RBM42: variants seen among roughly 807,000 people sequenced by gnomAD.
RBM42 encodes RNA-binding protein 42.
RBM42 carries 21 observed loss-of-function variants against 41.4 expected under a neutral mutation model. That is an observed-to-expected ratio of 0.51 (90% CI 0.36 to 0.73). The LOEUF is 0.73. RBM42 is among the 30% of genes least tolerant of loss of function. RBM42 has a pLI of 0.00. For synonymous variants in RBM42, 272 were observed against 271.2 expected, an observed-to-expected ratio of 1.00 and a Z score of -0.03; for missense variants, 539 against 680.4, an observed-to-expected ratio of 0.79 and a Z score of 2.31.
intron 8 of RBM42, among the ~76,000 whole-genome samples, chr19:35,635,523 CTTTTTTTTTTT>C (rs11375946): frequency 1.4e-5 from 2 of 140,494 alleles, no homozygotes; most frequent in Non-Finnish European, 3.0e-5. Context: ...TTTTTTTTTT[CTTTTTTTTTTT>C]TGAAACGGAG....
chr19:35,634,060 G>A, intron 7 of RBM42, 41 bp downstream of exon 7: 1 of 1,467,538 alleles, frequency 6.8e-7, no homozygotes, highest in East Asian at 2.4e-5. Flanking sequence ...GAAGGGACGG[G>A]GGGCAGACAG....
rs941796000 is a variant in RBM42, at chr19:35,634,657, T to A, written c.1135+284T>A. Reference sequence around the variant, plus strand: ...TTTTTCCCAACTCTTAGGATAAAAATTTTTTTTTTTTTTTTTTATGAGACA... The same window carrying A: ...TTTTTCCCAACTCTTAGGATAAAAAATTTTTTTTTTTTTTTTTATGAGACA... On this transcript the variant is annotated intron_variant, in intron 8 of 9. Transcript: ENST00000262633. Among the ~76,000 whole-genome samples, 54 of 122,700 alleles carry A rather than the reference T, an allele frequency of 4.4e-4. No individual in the cohort carries two copies. The South Asian group carries it at 8.5e-3, about 19-fold the overall frequency. The allele number at this position is 122,700 out of a possible 152,430, so 80.5% of individuals were successfully genotyped here. A position where few individuals can be genotyped will look rare whatever the true frequency, so the allele number is the denominator to read the frequency against.
At chr19:35,635,231 G>A (rs1370350052) in intron 8 of RBM42, among the ~76,000 whole-genome samples, 1 of 149,838 alleles carries the variant, frequency 6.7e-6, no homozygotes, top group African/African-American at 2.5e-5. Context: ...CAGGAGTATC[G>A]CCTGAACCCA....
At chr19:35,633,561 T>A (rs1967443116) in intron 6 of RBM42, 126 bp from the exon 7 acceptor site, 5 of 873,000 alleles carry the variant, frequency 5.7e-6, no homozygotes, top group Non-Finnish European at 8.0e-6. Context: ...GGCTGGAGAC[T>A]CTCTGCTTGG....
chr19:35,631,579 T>C, intron 4 of RBM42, 174 bp downstream of exon 4: 1 of 653,032 alleles, frequency 1.5e-6, no homozygotes, highest in South Asian at 1.9e-5. Flanking sequence ...AATTTTGTTT[T>C]AACCTGATCA....
intron 8 of RBM42, among the ~76,000 whole-genome samples, chr19:35,636,627 G>A (rs979782513): frequency 2.0e-5 from 3 of 152,206 alleles, no homozygotes; most frequent in Non-Finnish European, 4.4e-5. Context: ...CAGGTCTCAA[G>A]GGGGAGTTAG....
At chr19:35,634,498 G>A in intron 8 of RBM42, 125 bp downstream of exon 8, 1 of 640,176 alleles carries the variant, frequency 1.6e-6, no homozygotes, top group Non-Finnish European at 2.7e-6. Context: ...AGCCCACCTT[G>A]GGGAGGGGAG....
At chr19:35,635,510 T>C (rs1967481451) in intron 8 of RBM42, among the ~76,000 whole-genome samples, 1 of 143,222 alleles carries the variant, frequency 7.0e-6, no homozygotes, top group Non-Finnish European at 1.5e-5. Context: ...TTCAATTATA[T>C]CTTTTTTTTT....
At position 35,629,138 on chromosome 19, in the gene RBM42, A is replaced by G; in HGVS notation, c.-16A>G. The G allele has an allele frequency of 6.6e-7, 1 of 1,521,616 alleles. No homozygotes were observed. Among genetic ancestry groups the G allele is most frequent in the Non-Finnish European group, 8.8e-7 (1 of 1,138,224 alleles). 94.3% of individuals were successfully genotyped at this position (1,521,616 alleles called of 1,614,324 possible). On this transcript the variant is annotated 5_prime_UTR_variant, in exon 1 of 10. Transcript: ENST00000262633. ...AAGCAGAGACTGTAGTAGCGGCGACAGCGACGACGGCAGCGATGGCTGGGG... is the reference window on the plus strand; with the variant it reads ...AAGCAGAGACTGTAGTAGCGGCGACGGCGACGACGGCAGCGATGGCTGGGG...
chr19:35,633,773 T>C lies in RBM42; in HGVS notation c.771T>C (p.Ala257=). The C allele has an allele frequency of 1.3e-6, 2 of 1,494,968 alleles. No homozygotes were observed. Among genetic ancestry groups the C allele is most frequent in the South Asian group, 1.4e-5 (1 of 73,718 alleles). 92.6% of individuals were successfully genotyped at this position (1,494,968 alleles called of 1,614,324 possible). Reference sequence around the variant, plus strand: ...AAGAGGCAGTGGTGGCGGCGGCGGCTGGGCTGGAGGAGGCTAGCGCGGCTG... The same window carrying C: ...AAGAGGCAGTGGTGGCGGCGGCGGCCGGGCTGGAGGAGGCTAGCGCGGCTG... ...EKEEAVVAAA[A]GLEEASAAVA... Residue 257 remains alanine (A), a synonymous_variant, in exon 7 of 10, where the codon GCT becomes GCC. Transcript: ENST00000262633.
rs116116105 is a variant in RBM42 at position 35,629,080 on chromosome 19, G to T, written c.-74G>T. 3,442 of 1,461,338 alleles carry T rather than the reference G, an allele frequency of 2.4e-3. 80 individuals carry two copies. The African/African-American group carries it at 0.046, about 19-fold the overall frequency. The allele number at this position is 1,461,338 out of a possible 1,614,324, so 90.5% of individuals were successfully genotyped here. ...CTCGGGAGCCCACCCGGACGAAGGG[G>T]GAGAGTAGACAGCAGAACCAGCGGC... On this transcript the variant is annotated 5_prime_UTR_variant, in exon 1 of 10. Coordinates refer to ENST00000262633, the MANE Select transcript of RBM42 (RefSeq NM_024321.5).
rs758744881 is a variant in RBM42, at chr19:35,634,045, G to C, written c.1017+26G>C. On this transcript the variant is annotated intron_variant, in intron 7 of 9. Transcript: ENST00000262633. ...GTAAGCAGGGAGCCTAGCGGTGAAGGGACAGAAGGGACGGGGGGCAGACAG... is the reference window on the plus strand; with the variant it reads ...GTAAGCAGGGAGCCTAGCGGTGAAGCGACAGAAGGGACGGGGGGCAGACAG... 4.1e-6 allele frequency: 6 copies of C among 1,470,302 alleles called. No individual in the cohort carries two copies. In the South Asian group the frequency reaches 5.6e-5, roughly 14 times the overall value. The allele number at this position is 1,470,302 out of a possible 1,614,324, so 91.1% of individuals were successfully genotyped here. A position where few individuals can be genotyped will look rare whatever the true frequency, so the allele number is the denominator to read the frequency against.
chr19:35,631,266 C>T (rs776036279), intron 3 of RBM42, 42 bp downstream of exon 3: 1 of 1,611,388 alleles, frequency 6.2e-7, no homozygotes, highest in Non-Finnish European at 8.5e-7. Flanking sequence ...GGCAATCAGG[C>T]AGGGTGGTAA....
Position 35,633,793 on chromosome 19 carries a change from C to T in RBM42, c.791C>T (p.Ala264Val), listed in dbSNP as rs754225112. The T allele has an allele frequency of 4.3e-5, 65 of 1,498,818 alleles. No individual in the cohort carries two copies. Among genetic ancestry groups the T allele is most frequent in the African/African-American group, 1.4e-4 (10 of 69,844 alleles). The allele number at this position is 1,498,818 out of a possible 1,614,324, so 92.8% of individuals were successfully genotyped here. Reference protein sequence around the residue: ...AAAAGLEEASAAVAVGAGGAP... With the variant: ...AAAAGLEEASVAVAVGAGGAP... The stretch of plus-strand genomic sequence containing the variant: ...GCGGCTGGGCTGGAGGAGGCTAGCG[C>T]GGCTGTGGCCGTGGGGGCAGGAGGT... Residue 264 changes from alanine (A) to valine (V), a missense_variant, in exon 7 of 10, where the codon GCG becomes GTG. By Grantham distance (64) the Ala-to-Val change is moderately conservative (BLOSUM62 0). This residue lies in a region of RBM42 where 429 missense variants were observed against 488.9 expected (regional missense o/e 0.88). Transcript: ENST00000262633.
In RBM42 at chr19:35,634,145, A is replaced by G. The variant is rs1020896720; in HGVS notation, c.1018-111A>G. 17 of 1,540,776 alleles carry G rather than the reference A, an allele frequency of 1.1e-5. No homozygotes were observed. The African/African-American group carries it at 2.3e-4, about 21-fold the overall frequency. ...GGAGGGAGGCGGACACATGTGCCCCACATCCAGAAGCACATCCAGCCCTTA... is the reference window on the plus strand; with the variant it reads ...GGAGGGAGGCGGACACATGTGCCCCGCATCCAGAAGCACATCCAGCCCTTA... On this transcript the variant is annotated intron_variant, in intron 7 of 9. Coordinates refer to ENST00000262633, the MANE Select transcript of RBM42 (RefSeq NM_024321.5).
rs934895593 is a variant in RBM42, at chr19:35,629,395, C to T, written c.128+114C>T. ...ACGGCTCTAACATGGGGAAGTGGGACCTTCGGGATTGTGGGGGCGGGGATA... is the reference window on the plus strand; with the variant it reads ...ACGGCTCTAACATGGGGAAGTGGGATCTTCGGGATTGTGGGGGCGGGGATA... On this transcript the variant is annotated intron_variant, in intron 1 of 9. Coordinates refer to ENST00000262633, the MANE Select transcript of RBM42 (RefSeq NM_024321.5). 2.6e-6 allele frequency: 4 copies of T among 1,526,332 alleles called. No homozygotes were observed. The East Asian group carries it at 6.8e-5, about 26-fold the overall frequency. 94.5% of individuals were successfully genotyped at this position (1,526,332 alleles called of 1,614,324 possible). A position where few individuals can be genotyped will look rare whatever the true frequency, so the allele number is the denominator to read the frequency against.
chr19:35,629,068 C>T lies in RBM42; in HGVS notation c.-86C>T. The T allele has an allele frequency of 5.5e-6, 8 of 1,448,740 alleles. No individual in the cohort carries two copies. The highest frequency in any genetic ancestry group is 7.2e-6 in the Non-Finnish European group (8 of 1,103,788). 89.7% of individuals were successfully genotyped at this position (1,448,740 alleles called of 1,614,324 possible). On this transcript the variant is annotated 5_prime_UTR_variant, in exon 1 of 10. Transcript: ENST00000262633. ...CTGGACGTCATCCTCGGGAGCCCAC[C>T]CGGACGAAGGGGGAGAGTAGACAGC...
At chr19:35,630,595 G>C (rs1384978373) in intron 2 of RBM42, among the ~76,000 whole-genome samples, 1 of 151,990 alleles carries the variant, frequency 6.6e-6, no homozygotes, top group African/African-American at 2.4e-5. Flanking sequence ...GTGCAACCCC[G>C]TCTCTATTAA....
At position 35,636,614 on chromosome 19, in the gene RBM42, G is replaced by A. The variant is rs146401850; in HGVS notation, c.1136-544G>A. On this transcript the variant is annotated intron_variant, in intron 8 of 9. Transcript: ENST00000262633. ...GCCATGGCGGAGGAGCAGGCAGCAT[G>A]TCCAGGTCTCAAGGGGGAGTTAGGG... Among the ~76,000 whole-genome samples, 153 of 152,314 alleles carry A rather than the reference G, an allele frequency of 1.0e-3. 1 individual carries two copies. Among genetic ancestry groups the A allele is most frequent in the African/African-American group, 3.6e-3 (149 of 41,570 alleles).
Sources: allele counts gnomAD v4.1 joint callset (sites outside exome capture counted in the v4.1 genomes callset), GRCh38; gene constraint gnomAD v4.1.1; regional missense constraint gnomAD v4.1.1; transcripts MANE v1.5; gene names NCBI Gene and HGNC (gene_info 2026-07-23, HGNC 2026-07-21).